The following FARS2 variants were observed in gnomAD, a reference collection of about 807,000 sequenced individuals.
The protein encoded by FARS2 is phenylalanine--tRNA ligase, mitochondrial.
In FARS2, 40 loss-of-function variants were observed where a neutral mutation model predicts 46.4. The ratio of observed to expected loss-of-function variants is 0.86; its 90% CI spans 0.67 to 1.12. The LOEUF is 1.12. Ranked by LOEUF, FARS2 falls within the 50% of genes most tolerant of loss-of-function variation. The probability of loss-of-function intolerance (pLI) is 0.00; values close to 1 mark genes in which losing one functional copy is unlikely to be tolerated. For missense variants in FARS2, 513 were observed against 567.9 expected, an observed-to-expected ratio of 0.90 and a Z score of 0.98; for synonymous variants, 234 against 214.9, an observed-to-expected ratio of 1.09 and a Z score of -0.78.
chr6:5,577,115 T>C (rs1773033156), intron 5 of FARS2, among the ~76,000 whole-genome samples: 1 of 152,158 alleles, frequency 6.6e-6, no homozygotes, highest in South Asian at 2.1e-4. Context: ...AGGAGGGTAC[T>C]TTTAAAATAA....
chr6:5,410,345 A>G (rs1040164850), intron 3 of FARS2, among the ~76,000 whole-genome samples: 8 of 151,866 alleles, frequency 5.3e-5, no homozygotes, highest in African/African-American at 1.9e-4. Context: ...TATTTTTAGT[A>G]GAGACGGGGT....
At chr6:5,713,449 CTT>C (rs1759303792) in intron 6 of FARS2, among the ~76,000 whole-genome samples, 1 of 152,198 alleles carries the variant, frequency 6.6e-6, no homozygotes, top group African/African-American at 2.4e-5. Flanking sequence ...CTGGCTCATT[CTT>C]TTGTAGGACA....
At chr6:5,470,843 G>C (rs967428824) in intron 4 of FARS2, among the ~76,000 whole-genome samples, 1 of 152,178 alleles carries the variant, frequency 6.6e-6, no homozygotes, top group Non-Finnish European at 1.5e-5. Context: ...AAAGTAAAGA[G>C]ACTCAATTTT....
In FARS2 at chr6:5,432,943, C is replaced by A. The variant is rs535468317; in HGVS notation, c.904+1771C>A. Among the ~76,000 whole-genome samples, 3 of 152,222 alleles carry A rather than the reference C, an allele frequency of 2.0e-5. No homozygotes were observed. The South Asian group carries it at 6.2e-4, about 32-fold the overall frequency. On this transcript the variant is annotated intron_variant, in intron 4 of 6. Coordinates refer to ENST00000274680, the MANE Select transcript of FARS2 (RefSeq NM_006567.5). ...TCCCTTCTTACTTTTAGGTACTCTC[C>A]ATCTGCAGGGGCCTGGACTCCACAA...
intron 1 of FARS2, among the ~76,000 whole-genome samples, chr6:5,324,075 A>G (rs1770176376): frequency 6.6e-6 from 1 of 152,158 alleles, no homozygotes; most frequent in African/African-American, 2.4e-5. Context: ...CCCTAAAACC[A>G]GTATGTACTC....
At chr6:5,322,651 C>T (rs1770065060) in intron 1 of FARS2, among the ~76,000 whole-genome samples, 1 of 152,066 alleles carries the variant, frequency 6.6e-6, no homozygotes, top group African/African-American at 2.4e-5. Flanking sequence ...TTGAGTGGGA[C>T]CCTTGGTGTT....
chr6:5,368,464 G>A, intron 1 of FARS2, 86 bp from the exon 2 acceptor site: 3 of 1,205,528 alleles, frequency 2.5e-6, no homozygotes, highest in Non-Finnish European at 3.5e-6. Flanking sequence ...AGTAGGACAA[G>A]AGGGAGCTGG....
At chr6:5,296,017 G>A (rs1043757884) in intron 1 of FARS2, among the ~76,000 whole-genome samples, 9 of 150,652 alleles carry the variant, frequency 6.0e-5, no homozygotes, top group Non-Finnish European at 7.4e-5. Flanking sequence ...AACACTTCCC[G>A]TATGTTTAAT....
At chr6:5,600,906 A>G (rs1435702108) in intron 5 of FARS2, among the ~76,000 whole-genome samples, 1 of 152,188 alleles carries the variant, frequency 6.6e-6, no homozygotes, top group African/African-American at 2.4e-5. Context: ...GTACTTTGAG[A>G]TCCAACCACT....
chr6:5,479,398 A>G (rs1766313348), intron 4 of FARS2, among the ~76,000 whole-genome samples: 1 of 152,234 alleles, frequency 6.6e-6, no homozygotes, highest in Non-Finnish European at 1.5e-5. Context: ...AGGCTGAAGC[A>G]GGAATTGAGT....
Position 5,626,155 on chromosome 6 carries a change from G to A in FARS2, c.1217+12835G>A, listed in dbSNP as rs1045542175. Among the ~76,000 whole-genome samples, 6 of 152,180 alleles carry A rather than the reference G, an allele frequency of 3.9e-5. No homozygotes were observed. In the South Asian group the frequency reaches 6.2e-4, roughly 16 times the overall value. ...ATAATGCCTGAAGGAGGCCTGGTACGAATGAGGGAATCCCTGTTTTCTAGT... is the reference window on the plus strand; with the variant it reads ...ATAATGCCTGAAGGAGGCCTGGTACAAATGAGGGAATCCCTGTTTTCTAGT... On this transcript the variant is annotated intron_variant, in intron 6 of 6. Coordinates refer to ENST00000274680, the MANE Select transcript of FARS2 (RefSeq NM_006567.5).
rs376530654 is a variant in FARS2 at position 5,286,122 on chromosome 6, G to C, written c.-22+24462G>C. Among the ~76,000 whole-genome samples, 9 of 152,216 alleles carry C rather than the reference G, an allele frequency of 5.9e-5. No individual in the cohort carries two copies. In the South Asian group the frequency reaches 1.5e-3, roughly 25 times the overall value. On this transcript the variant is annotated intron_variant, in intron 1 of 6. Coordinates refer to ENST00000274680, the MANE Select transcript of FARS2 (RefSeq NM_006567.5). ...TCCAGACACTTTAATTCATAGGCTT[G>C]CATTTAGTACACTCTAAATTGAACA...
At chr6:5,588,602 A>C (rs1350599510) in intron 5 of FARS2, among the ~76,000 whole-genome samples, 1 of 152,126 alleles carries the variant, frequency 6.6e-6, no homozygotes, top group Non-Finnish European at 1.5e-5. Context: ...TTCCCTTGCT[A>C]AGAAGAAAGA....
At chr6:5,502,679 A>G (rs1218368896) in intron 4 of FARS2, among the ~76,000 whole-genome samples, 1 of 152,260 alleles carries the variant, frequency 6.6e-6, no homozygotes, top group Non-Finnish European at 1.5e-5. Context: ...ATTGTTTTCA[A>G]AGAATGACTT....
At chr6:5,340,157 C>T (rs1438408332) in intron 1 of FARS2, among the ~76,000 whole-genome samples, 1 of 152,198 alleles carries the variant, frequency 6.6e-6, no homozygotes, top group Non-Finnish European at 1.5e-5. Context: ...GTTGAGTCTG[C>T]TTTGCTATGC....
rs143050938 is a variant in FARS2, at chr6:5,656,767, T to C, written c.1217+43447T>C. On this transcript the variant is annotated intron_variant, in intron 6 of 6. Transcript: ENST00000274680. ...TTTCACCATGTTGGCCAGGCTGGTCTTGAACTCCTGACCTCAAGTGATCCA... is the reference window on the plus strand; with the variant it reads ...TTTCACCATGTTGGCCAGGCTGGTCCTGAACTCCTGACCTCAAGTGATCCA... Among the ~76,000 whole-genome samples, 865 of 152,282 alleles carry C rather than the reference T, an allele frequency of 5.7e-3. 5 individuals are homozygous for C. Among genetic ancestry groups the C allele is most frequent in the African/African-American group, 0.02 (828 of 41,550 alleles).
intron 3 of FARS2, among the ~76,000 whole-genome samples, chr6:5,423,407 A>T (rs1324127578): frequency 6.6e-6 from 1 of 151,982 alleles, no homozygotes; most frequent in Non-Finnish European, 1.5e-5. Flanking sequence ...TCATCTTACG[A>T]TCCAAGCACT....
intron 6 of FARS2, among the ~76,000 whole-genome samples, chr6:5,767,989 C>A (rs2150986537): frequency 6.6e-6 from 1 of 152,346 alleles, no homozygotes; most frequent in East Asian, 1.9e-4. Flanking sequence ...CCTTCAGCTC[C>A]ATGTGCCTGT....
intron 6 of FARS2, among the ~76,000 whole-genome samples, chr6:5,732,027 C>A (rs1760659292): frequency 6.6e-6 from 1 of 152,202 alleles, no homozygotes; most frequent in South Asian, 2.1e-4. Flanking sequence ...TCCTGCTGAC[C>A]CCGTCACTGA....
Sources: allele counts gnomAD v4.1 joint callset (sites outside exome capture counted in the v4.1 genomes callset), GRCh38; gene constraint gnomAD v4.1.1; transcripts MANE v1.5; gene names NCBI Gene and HGNC (gene_info 2026-07-23, HGNC 2026-07-21).